GATA3: variants seen among roughly 807,000 people sequenced by gnomAD.
The protein encoded by GATA3 is trans-acting T-cell-specific transcription factor GATA-3.
GATA3 carries 6 observed loss-of-function variants against 36.0 expected under a neutral mutation model. That is an observed-to-expected ratio of 0.17 (90% confidence interval 0.09 to 0.33). The LOEUF is 0.33. GATA3 is among the 10% of genes least tolerant of loss of function. The probability of loss-of-function intolerance (pLI) is 1.00; values close to 1 mark genes in which losing one functional copy is unlikely to be tolerated. For missense variants in GATA3, 514 were observed against 610.1 expected, an observed-to-expected ratio of 0.84 and a Z score of 1.66; for synonymous variants, 326 against 273.0, an observed-to-expected ratio of 1.19 and a Z score of -1.92.
chr10:8,057,038 C>A (rs933631694), intron 2 of GATA3, among the ~76,000 whole-genome samples: 2 of 152,208 alleles, frequency 1.3e-5, no homozygotes, highest in African/African-American at 4.8e-5. Flanking sequence ...TTTAAACAAT[C>A]GTTTCTGCGG....
chr10:8,048,728 C>T (rs929522914), upstream of GATA3, among the ~76,000 whole-genome samples: 7 of 152,204 alleles, frequency 4.6e-5, no homozygotes, highest in Non-Finnish European at 8.8e-5. Flanking sequence ...CTCTCCCACC[C>T]AACCCGGGGC....
intron 1 of GATA3, among the ~76,000 whole-genome samples, chr10:8,045,811 G>T (rs956547706): frequency 1.3e-5 from 2 of 152,164 alleles, no homozygotes; most frequent in Non-Finnish European, 2.9e-5. Flanking sequence ...GGGAATGCTT[G>T]GAAAGGGCCG....
At chr10:8,064,508 G>A (rs886467338) in intron 4 of GATA3, among the ~76,000 whole-genome samples, 2 of 152,060 alleles carry the variant, frequency 1.3e-5, no homozygotes, top group Non-Finnish European at 2.9e-5. Context: ...GATGAGCACC[G>A]TTTGACAGAT....
intron 5 of GATA3, among the ~76,000 whole-genome samples, chr10:8,072,704 GC>G (rs977058143): frequency 2.0e-5 from 3 of 152,170 alleles, no homozygotes; most frequent in African/African-American, 4.8e-5. Flanking sequence ...CAAGATGAGT[GC>G]CCTTTTGTGC....
chr10:8,063,695 T>C (rs1355519670), intron 3 of GATA3, among the ~76,000 whole-genome samples: 1 of 152,194 alleles, frequency 6.6e-6, no homozygotes, highest in African/African-American at 2.4e-5. Context: ...TCCTCCTTGG[T>C]CCTGCCCGAT....
Position 8,055,612 on chromosome 10 carries a change from G to T in GATA3, c.-44G>T. Reference sequence around the variant, plus strand: ...GGCGGACCGCCCTCCCTCCCCGCGCGCGGGTTCCGGGCCCGGCGAGAGGGC... The same window carrying T: ...GGCGGACCGCCCTCCCTCCCCGCGCTCGGGTTCCGGGCCCGGCGAGAGGGC... On this transcript the variant is annotated 5_prime_UTR_variant, in exon 2 of 6. Coordinates refer to ENST00000379328, the MANE Select transcript of GATA3 (RefSeq NM_001002295.2). The surrounding 1 kb of genome is among the most constrained non-coding windows in gnomAD (Gnocchi z 5.4). The T allele has an allele frequency of 1.3e-6, 2 of 1,536,028 alleles. No homozygotes were observed. Among genetic ancestry groups the T allele is most frequent in the East Asian group, 2.5e-5 (1 of 40,606 alleles).
Position 8,055,455 on chromosome 10 carries a change from C to T in GATA3, c.-201C>T, listed in dbSNP as rs1832611854. On this transcript the variant is annotated 5_prime_UTR_variant, in exon 2 of 6. Transcript: ENST00000379328. This position sits in a 1 kb window ranked among gnomAD's most constrained non-coding sequence, Gnocchi z 5.4. ...TCCCCTTCTTCTCTTTGCTAAACGA[C>T]CCCTCCAAGATAATTTTTAAAAAAC... The T allele has an allele frequency of 6.4e-6, 4 of 625,140 alleles. No homozygotes were observed. Among genetic ancestry groups the T allele is most frequent in the Non-Finnish European group, 8.3e-6 (3 of 362,482 alleles). 38.7% of individuals were successfully genotyped at this position (625,140 alleles called of 1,614,324 possible).
At chr10:8,064,737 C>A (rs1263606005) in intron 4 of GATA3, among the ~76,000 whole-genome samples, 2 of 152,350 alleles carry the variant, frequency 1.3e-5, no homozygotes, top group East Asian at 3.9e-4. Context: ...TTGGTCTCAG[C>A]ATTTGAGAAC....
At chr10:8,063,964 A>C (rs764947736) in intron 3 of GATA3, 29 bp from the exon 4 acceptor site, 6 of 1,614,154 alleles carry the variant, frequency 3.7e-6, no homozygotes, top group Middle Eastern at 1.6e-4. Context: ...TTCCTTCCCT[A>C]AGTGGCTTAT....
intron 4 of GATA3, among the ~76,000 whole-genome samples, chr10:8,065,411 C>T (rs1832820560): frequency 6.6e-6 from 1 of 151,886 alleles, no homozygotes; most frequent in Admixed American, 6.6e-5. Flanking sequence ...ACACCCGCCC[C>T]CACACCCGGC....
intron 3 of GATA3, among the ~76,000 whole-genome samples, chr10:8,059,378 C>A (rs1588379487): frequency 6.6e-6 from 1 of 152,284 alleles, no homozygotes; most frequent in East Asian, 1.9e-4. Flanking sequence ...ATGAGCCTGG[C>A]CAAAGCTGCA....
chr10:8,073,650 A>G (rs1358782740), intron 5 of GATA3, 89 bp from the exon 6 acceptor site: 4 of 1,409,682 alleles, frequency 2.8e-6, no homozygotes, highest in African/African-American at 1.5e-5. Flanking sequence ...CGGGGCGGTC[A>G]GTGGAACCCT....
At chr10:8,046,867 C>T (rs1361573259) in intron 1 of GATA3, among the ~76,000 whole-genome samples, 1 of 152,076 alleles carries the variant, frequency 6.6e-6, no homozygotes, top group Non-Finnish European at 1.5e-5. Flanking sequence ...GCCCTGCTTG[C>T]AGCTCCCAGC....
chr10:8,069,779 C>T (rs369948861), intron 5 of GATA3, among the ~76,000 whole-genome samples, 181 bp downstream of exon 5: 10 of 152,140 alleles, frequency 6.6e-5, no homozygotes, highest in East Asian at 5.8e-4. Flanking sequence ...GTGCTGAGGC[C>T]GAGGGGGCTC....
intron 5 of GATA3, among the ~76,000 whole-genome samples, chr10:8,073,246 C>T (rs1377512434): frequency 6.6e-6 from 1 of 151,080 alleles, no homozygotes; most frequent in African/African-American, 2.4e-5. Flanking sequence ...GATTTTATGG[C>T]ACCTCTTAAA....
At chr10:8,045,422 T>G (rs188066683) in exon 1 of GATA3, 30 of 152,500 alleles carry the variant, frequency 2.0e-4, no homozygotes, top group African/African-American at 7.0e-4. Flanking sequence ...GCGGCCACAG[T>G]GGCGAACTCT....
chr10:8,049,597 G>T (rs1832436808), upstream of GATA3, among the ~76,000 whole-genome samples: 3 of 152,128 alleles, frequency 2.0e-5, no homozygotes, highest in African/African-American at 7.2e-5. Context: ...CAGCGGCGGC[G>T]CCTGGAGCCG....
intron 2 of GATA3, among the ~76,000 whole-genome samples, chr10:8,058,038 G>A (rs915799598): frequency 2.0e-5 from 3 of 152,122 alleles, no homozygotes; most frequent in African/African-American, 7.2e-5. Flanking sequence ...CAACCTCTCG[G>A]GTGTCAGCCA....
At position 8,046,631 on chromosome 10, in the gene GATA3, G is replaced by A. The variant is rs550511694; in HGVS notation, c.-370+1116G>A. Among the ~76,000 whole-genome samples, 4 of 148,294 alleles carry A rather than the reference G, an allele frequency of 2.7e-5. No individual in the cohort carries two copies. The South Asian group carries it at 6.7e-4, about 25-fold the overall frequency. ...AGGCATCTGTAAATGAGATGCTTGG[G>A]GGCCCAAATGGCTGGCAGTGTGTGT... On this transcript the variant is annotated intron_variant, in intron 1 of 1. Transcript: ENST00000643001.
Sources: gnomAD v4.1 joint callset for allele counts (sites outside exome capture counted in the v4.1 genomes callset) on GRCh38, gnomAD v4.1.1 for gene constraint, Gnocchi (gnomAD v3.1) non-coding constraint, MANE v1.5 for transcripts, NCBI Gene and HGNC (gene_info 2026-07-23, HGNC 2026-07-21) for gene names.